Variants in SLC29A4 observed in about 807,000 individuals in gnomAD.
The protein encoded by SLC29A4 is solute carrier family 29 member 4.
In SLC29A4, 36 loss-of-function variants were observed where a neutral mutation model predicts 43.9. That is an observed-to-expected ratio of 0.82 (90% confidence interval 0.63 to 1.08). SLC29A4 has a LOEUF of 1.08. Among genes scored for constraint, SLC29A4 ranks in the 50% least tolerant of loss-of-function variants. The pLI is 0.00. For synonymous variants in SLC29A4, 491 were observed against 338.0 expected (o/e 1.45, Z -4.97); for missense variants, 869 against 755.3 (o/e 1.15, Z -1.77).
At position 5,297,214 on chromosome 7, in the gene SLC29A4, C is replaced by T. The variant is rs1231986424; in HGVS notation, c.882+16C>T. 1.9e-6 allele frequency: 3 copies of T among 1,567,764 alleles called. No individual in the cohort carries two copies. Among genetic ancestry groups the T allele is most frequent in the South Asian group, 1.2e-5 (1 of 86,868 alleles). ...CGTCCACTTCGTAAGTGCGCACCGC[C>T]CACCTCTGTTCCCTTCTCTGTCCCC... On this transcript the variant is annotated intron_variant, in intron 7 of 10. Transcript: ENST00000396872.
At chr7:5,299,182 G>A (rs1378925262) in intron 8 of SLC29A4, 56 bp downstream of exon 8, 4 of 1,598,368 alleles carry the variant, frequency 2.5e-6, no homozygotes, top group South Asian at 2.2e-5. Context: ...AGGGGGTGGG[G>A]GAGGCAGGCA....
chr7:5,295,510 G>T (rs1004380412), intron 6 of SLC29A4, among the ~76,000 whole-genome samples: 2 of 152,138 alleles, frequency 1.3e-5, no homozygotes, highest in Non-Finnish European at 2.9e-5. Flanking sequence ...CCAAGTCCTA[G>T]GTCTGTCCCC....
At chr7:5,287,151 C>G (rs1785005803) in intron 1 of SLC29A4, among the ~76,000 whole-genome samples, 1 of 152,198 alleles carries the variant, frequency 6.6e-6, no homozygotes, top group South Asian at 2.1e-4. Flanking sequence ...GGCGCAGTGG[C>G]TCAGTGGCTT....
chr7:5,287,038 G>C (rs759404860), intron 1 of SLC29A4, among the ~76,000 whole-genome samples: 1 of 152,176 alleles, frequency 6.6e-6, no homozygotes, highest in African/African-American at 2.4e-5. Flanking sequence ...CACCTTGGTT[G>C]CTCCCCGGGA....
chr7:5,286,210 T>C (rs1191107680), intron 1 of SLC29A4, among the ~76,000 whole-genome samples: 2 of 152,026 alleles, frequency 1.3e-5, no homozygotes, highest in Non-Finnish European at 2.9e-5. Context: ...TGCATTCAGA[T>C]AAATGAATAC....
At chr7:5,300,292 C>G in intron 9 of SLC29A4, 130 bp from the exon 10 acceptor site, 1 of 1,371,436 alleles carries the variant, frequency 7.3e-7, no homozygotes, top group South Asian at 1.2e-5. Flanking sequence ...CGGAGAAGGG[C>G]AGGGGTGCAG....
chr7:5,289,130 C>T (rs1057247497), intron 2 of SLC29A4, among the ~76,000 whole-genome samples: 1 of 152,178 alleles, frequency 6.6e-6, no homozygotes, highest in Non-Finnish European at 1.5e-5. Context: ...GGCACGGTGG[C>T]TCATGCCTAT....
intron 1 of SLC29A4, among the ~76,000 whole-genome samples, chr7:5,287,163 C>T (rs927158417): frequency 7.9e-5 from 12 of 152,096 alleles, no homozygotes; most frequent in African/African-American, 1.4e-4. Flanking sequence ...CAGTGGCTTA[C>T]GCCTGTAACC....
intron 9 of SLC29A4, 109 bp downstream of exon 9, chr7:5,299,536 C>G: frequency 8.1e-7 from 1 of 1,240,592 alleles, no homozygotes; most frequent in Non-Finnish European, 1.1e-6. Context: ...ATGTGGCTCC[C>G]AGGTGGAAAG....
At chr7:5,287,711 A>T in intron 1 of SLC29A4, 98 bp from the exon 2 acceptor site, 3 of 1,249,142 alleles carry the variant, frequency 2.4e-6, no homozygotes, top group South Asian at 1.5e-5. Flanking sequence ...CCAAAGTGAC[A>T]TGTGTCACTC....
At position 5,306,858 on chromosome 7, in the gene SLC29A4, C is replaced by CA. The variant is rs1786558981; in HGVS notation, c.*3923dup. 2 of 142,296 alleles carry CA rather than the reference C, an allele frequency of 1.4e-5. No homozygotes were observed. Among genetic ancestry groups the CA allele is most frequent in the South Asian group, 2.3e-4 (1 of 4,342 alleles). The allele number at this position is 142,296 out of a possible 1,614,324, so 8.8% of individuals were successfully genotyped here. On this transcript the variant is annotated 3_prime_UTR_variant, in exon 11 of 11. Transcript: ENST00000396872. ...AGATCACACAGAATTTGCCAACAAA[C>CA]AAAATTCCAAAAGAAACATAAAAAA... is the stretch of plus-strand genomic sequence containing the variant.
rs191311316 is a variant in SLC29A4 at position 5,293,143 on chromosome 7, T to C, written c.544+1322T>C. On this transcript the variant is annotated intron_variant, in intron 5 of 10. Transcript: ENST00000396872. The stretch of plus-strand genomic sequence containing the variant: ...TTGCAAGGGTCCAGGCCAGGCTTTG[T>C]AGACTTTCTTTTTTTTCTCTTTTTT... 2.2e-3 allele frequency among the ~76,000 whole-genome samples: 331 copies of C among 150,902 alleles called. 1 individual carries two copies. The highest frequency in any genetic ancestry group is 7.6e-3 in the African/African-American group (313 of 40,986).
rs1784899285 is a variant in SLC29A4, at chr7:5,285,654, G to A, written c.-8-2155G>A. Among the ~76,000 whole-genome samples, 3 of 152,218 alleles carry A rather than the reference G, an allele frequency of 2.0e-5. No individual in the cohort carries two copies. In the South Asian group the frequency reaches 6.2e-4, roughly 32 times the overall value. On this transcript the variant is annotated intron_variant, in intron 1 of 10. Coordinates refer to ENST00000396872, the MANE Select transcript of SLC29A4 (RefSeq NM_153247.4). ...GGGAGTAAACTGAGGCAGGGGAGCT[G>A]GAGGAAATGAGACCCAGGAGATGGG...
intron 1 of SLC29A4, among the ~76,000 whole-genome samples, chr7:5,285,270 AC>A (rs1583643232): frequency 1.3e-5 from 1 of 77,388 alleles, no homozygotes; most frequent in South Asian, 4.9e-4. Context: ...ACCCCACCCC[AC>A]CCCCAACCCC....
chr7:5,295,020 C>A, intron 6 of SLC29A4, 86 bp downstream of exon 6: 2 of 1,211,130 alleles, frequency 1.7e-6, no homozygotes, highest in Non-Finnish European at 2.3e-6. Context: ...CCATGATGCT[C>A]CCCGGTCTGG....
rs750476897 is a variant in SLC29A4 at position 5,287,880 on chromosome 7, G to A, written c.64G>A (p.Val22Ile). ...PSVAGTPDPG[V>I]VMSFTFDSHQ... ...CGTGGCAGGCACACCAGACCCGGGC[G>A]TAGTGATGAGCTTCACCTTCGACAG... is the stretch of plus-strand genomic sequence containing the variant. Residue 22 changes from valine (V) to isoleucine (I), a missense_variant, in exon 2 of 11, where the codon GTA (valine) becomes ATA (isoleucine). Physicochemically the swap from Val to Ile is conservative, Grantham distance 29. Coordinates refer to ENST00000396872, the MANE Select transcript of SLC29A4 (RefSeq NM_153247.4). 25 of 1,612,010 alleles carry A rather than the reference G, an allele frequency of 1.6e-5. No individual in the cohort carries two copies. Among genetic ancestry groups the A allele is most frequent in the East Asian group, 2.2e-5 (1 of 44,882 alleles).
chr7:5,291,057 C>T lies in SLC29A4; in HGVS notation c.302-67C>T, dbSNP rs538251295. The T allele has an allele frequency of 8.3e-4, 1,321 of 1,582,662 alleles. 9 individuals carry two copies. Among genetic ancestry groups the T allele is most frequent in the South Asian group, 6.2e-3 (556 of 90,112 alleles). On this transcript the variant is annotated intron_variant, in intron 3 of 10. Coordinates refer to ENST00000396872, the MANE Select transcript of SLC29A4 (RefSeq NM_153247.4). Reference sequence around the variant, plus strand: ...GCAGCGAGCCCCTTCTGGGAGGTCTCACCTGGCAGGAGTCAGTGCAGGGGG... The same window carrying T: ...GCAGCGAGCCCCTTCTGGGAGGTCTTACCTGGCAGGAGTCAGTGCAGGGGG...
At chr7:5,298,357 G>A (rs1048383260) in intron 7 of SLC29A4, among the ~76,000 whole-genome samples, 2 of 152,134 alleles carry the variant, frequency 1.3e-5, no homozygotes, top group African/African-American at 4.8e-5. Flanking sequence ...GTGTGCGGTG[G>A]GTCAGAGGCT....
At chr7:5,300,715 C>T (rs1786103630) in intron 10 of SLC29A4, 53 bp downstream of exon 10, 4 of 1,580,880 alleles carry the variant, frequency 2.5e-6, no homozygotes, top group Non-Finnish European at 3.4e-6. Context: ...GCGCAATGCC[C>T]CCCTCGCGAG....
Sources: gnomAD v4.1 joint callset for allele counts (sites outside exome capture counted in the v4.1 genomes callset) on GRCh38, gnomAD v4.1.1 for gene constraint, MANE v1.5 for transcripts, NCBI Gene and HGNC (gene_info 2026-07-23, HGNC 2026-07-21) for gene names.